ZMIZ1: variants seen among roughly 807,000 people sequenced by gnomAD.
The protein encoded by ZMIZ1 is zinc finger MIZ domain-containing protein 1.
In ZMIZ1, 17 loss-of-function variants were observed where a neutral mutation model predicts 113.9. The observed-to-expected ratio is 0.15, with a 90% CI of 0.10 to 0.22. The LOEUF (loss-of-function observed/expected upper bound fraction) is 0.22, where lower values mean the gene tolerates loss of function less well. Among genes scored for constraint, ZMIZ1 ranks in the 10% least tolerant of loss-of-function variants. The pLI is 1.00. For missense variants in ZMIZ1, 1,059 were observed against 1,477.8 expected (o/e 0.72, Z 4.65); for synonymous variants, 607 against 603.1 (o/e 1.01, Z -0.09).
chr10:79,310,895 C>A, intron 23 of ZMIZ1, 29 bp from the exon 24 acceptor site: 1 of 1,601,636 alleles, frequency 6.2e-7, no homozygotes, highest in South Asian at 1.1e-5. Flanking sequence ...CCTCACCTCT[C>A]TTCTCTCCCG....
In ZMIZ1 at chr10:79,310,905, G is replaced by C; in HGVS notation, c.2836-19G>C. ...CCTCACCTCACCTCTCTTCTCTCCC[G>C]CTCTCTCCTCCTCCACAGATGCCAC... On this transcript the variant is annotated intron_variant, in intron 23 of 24. Transcript: ENST00000334512. The C allele has an allele frequency of 1.2e-6, 2 of 1,607,216 alleles. No individual in the cohort carries two copies. Among genetic ancestry groups the C allele is most frequent in the Non-Finnish European group, 1.7e-6 (2 of 1,175,646 alleles).
intron 1 of ZMIZ1, among the ~76,000 whole-genome samples, chr10:79,081,555 G>A (rs559882721): frequency 1.2e-4 from 18 of 152,282 alleles, no homozygotes; most frequent in African/African-American, 4.3e-4. Context: ...CAGCATGCTC[G>A]CCTGCCACTG....
chr10:79,133,996 TG>T (rs1216361804), intron 2 of ZMIZ1, among the ~76,000 whole-genome samples: 3 of 152,236 alleles, frequency 2.0e-5, no homozygotes, highest in Non-Finnish European at 2.9e-5. Flanking sequence ...TATGTAAAGA[TG>T]GATGCTAATT....
intron 1 of ZMIZ1, among the ~76,000 whole-genome samples, chr10:79,080,688 GA>G (rs1164502024): frequency 6.6e-6 from 1 of 152,158 alleles, no homozygotes; most frequent in Non-Finnish European, 1.5e-5. Flanking sequence ...TCCTGCAAAA[GA>G]ATGGCCTTCT....
chr10:79,098,629 T>A (rs1843250910), intron 1 of ZMIZ1, among the ~76,000 whole-genome samples: 1 of 152,206 alleles, frequency 6.6e-6, no homozygotes, highest in Non-Finnish European at 1.5e-5. Flanking sequence ...TACAGTGAGA[T>A]TCAGAGAGTT....
intron 1 of ZMIZ1, among the ~76,000 whole-genome samples, chr10:79,103,717 T>C (rs1843449872): frequency 6.6e-6 from 1 of 152,064 alleles, no homozygotes; most frequent in Non-Finnish European, 1.5e-5. Context: ...CAAGCCCTCC[T>C]CCCTGGGGCT....
At chr10:79,121,968 A>G (rs900760950) in intron 2 of ZMIZ1, among the ~76,000 whole-genome samples, 2 of 152,198 alleles carry the variant, frequency 1.3e-5, no homozygotes, top group Non-Finnish European at 2.9e-5. Flanking sequence ...TAAATAATTT[A>G]GCTGTGGTCC....
intron 1 of ZMIZ1, among the ~76,000 whole-genome samples, chr10:79,077,722 C>T (rs1209473923): frequency 6.6e-6 from 1 of 152,218 alleles, no homozygotes; most frequent in African/African-American, 2.4e-5. Flanking sequence ...TGTTTAACTT[C>T]TCCGACTTTG....
At chr10:79,105,087 A>G (rs181263534) in intron 1 of ZMIZ1, among the ~76,000 whole-genome samples, 4 of 152,224 alleles carry the variant, frequency 2.6e-5, no homozygotes, top group Admixed American at 2.6e-4. Flanking sequence ...GAAATGCTAT[A>G]AATATTTTCT....
chr10:79,267,869 C>T (rs771963551), intron 7 of ZMIZ1, among the ~76,000 whole-genome samples: 1 of 152,130 alleles, frequency 6.6e-6, no homozygotes, highest in Non-Finnish European at 1.5e-5. Context: ...ATGAGGAGTC[C>T]AGGCCCGTGT....
chr10:79,116,893 A>C (rs79311093), intron 1 of ZMIZ1, among the ~76,000 whole-genome samples: 2,975 of 152,328 alleles, frequency 0.02, 102 homozygotes, highest in African/African-American at 0.068. Flanking sequence ...CCTGCTGCCC[A>C]GCAAACCACC....
chr10:79,310,260 G>T (rs538173409), intron 23 of ZMIZ1, among the ~76,000 whole-genome samples: 4 of 152,288 alleles, frequency 2.6e-5, no homozygotes, highest in Non-Finnish European at 5.9e-5. Context: ...GGTCTGGCAG[G>T]GTGTGAAGAT....
At chr10:79,109,861 T>A (rs1489868856) in intron 1 of ZMIZ1, among the ~76,000 whole-genome samples, 3 of 152,244 alleles carry the variant, frequency 2.0e-5, no homozygotes, top group African/African-American at 4.8e-5. Context: ...GTGCAGAAAC[T>A]GCTAGAGAAG....
intron 2 of ZMIZ1, among the ~76,000 whole-genome samples, chr10:79,136,497 C>T (rs536062388): frequency 6.6e-6 from 1 of 152,224 alleles, no homozygotes; most frequent in Non-Finnish European, 1.5e-5. Context: ...AGGGGGCCTA[C>T]TCAGAGTCAG....
chr10:79,253,701 G>T (rs567866742), intron 7 of ZMIZ1, among the ~76,000 whole-genome samples: 1 of 152,168 alleles, frequency 6.6e-6, no homozygotes, highest in Non-Finnish European at 1.5e-5. Context: ...GCCTGGCAGC[G>T]CCCTGGGGAA....
chr10:79,300,807 G>A lies in ZMIZ1; in HGVS notation c.1884G>A (p.Val628=). The A allele has an allele frequency of 6.2e-7, 1 of 1,613,946 alleles. No homozygotes were observed. The highest frequency in any genetic ancestry group is 8.5e-7 in the Non-Finnish European group (1 of 1,180,010). Residue 628 remains valine (V), a synonymous_variant, in exon 17 of 25, where the codon GTG becomes GTA. Transcript: ENST00000334512. ...RQMNTNWPAS[V]QVSVNATPLT... ...TGAACACCAACTGGCCCGCCTCGGT[G>A]CAGGTCAGCGTGAACGCCACGCCCC...
intron 1 of ZMIZ1, among the ~76,000 whole-genome samples, chr10:79,075,483 C>T (rs1311628589): frequency 1.3e-5 from 2 of 152,220 alleles, no homozygotes; most frequent in African/African-American, 4.8e-5. Flanking sequence ...CATTTGTCCC[C>T]AAGCTTGTTC....
intron 7 of ZMIZ1, among the ~76,000 whole-genome samples, chr10:79,268,732 C>G (rs1360618097): frequency 6.6e-6 from 1 of 152,212 alleles, no homozygotes; most frequent in African/African-American, 2.4e-5. Context: ...CAACTGCCAT[C>G]TACCAGGCCC....
intron 2 of ZMIZ1, among the ~76,000 whole-genome samples, chr10:79,123,815 A>G (rs6480921): frequency 0.34 from 51,423 of 152,156 alleles, 10,853 homozygotes; most frequent in East Asian, 0.67. Context: ...GGGGCTGGCC[A>G]TGAAGACCTT....
Sources: allele counts gnomAD v4.1 joint callset (sites outside exome capture counted in the v4.1 genomes callset), GRCh38; gene constraint gnomAD v4.1.1; transcripts MANE v1.5; gene names NCBI Gene and HGNC (gene_info 2026-07-23, HGNC 2026-07-21).